PRKG1: variants seen among roughly 807,000 people sequenced by gnomAD.
PRKG1 encodes the protein cGMP-dependent protein kinase 1.
PRKG1 carries 35 observed loss-of-function variants against 88.1 expected under a neutral mutation model. The observed-to-expected ratio is 0.40, with a 90% confidence interval of 0.30 to 0.53. The LOEUF (loss-of-function observed/expected upper bound fraction) is 0.53. Ranked by LOEUF, PRKG1 falls within the 20% of genes least tolerant of loss-of-function variation. PRKG1 has a pLI of 0.59. For synonymous variants in PRKG1, 303 were observed against 292.5 expected, an observed-to-expected ratio of 1.04 and a Z score of -0.37; for missense variants, 540 against 839.8, an observed-to-expected ratio of 0.64 and a Z score of 4.41.
At chr10:51,227,023 G>A (rs551528960) in intron 2 of PRKG1, among the ~76,000 whole-genome samples, 32 of 150,928 alleles carry the variant, frequency 2.1e-4, no homozygotes, top group Admixed American at 1.9e-3. Context: ...TGAGGTGGAG[G>A]ATAAGTAGAT....
chr10:51,331,878 G>T (rs953296908), intron 2 of PRKG1, among the ~76,000 whole-genome samples: 11 of 152,130 alleles, frequency 7.2e-5, no homozygotes, highest in African/African-American at 2.7e-4. Flanking sequence ...GGCTTAATGG[G>T]TGTTTTTGAA....
At chr10:51,404,658 A>G (rs1001685139) in intron 2 of PRKG1, among the ~76,000 whole-genome samples, 4 of 152,194 alleles carry the variant, frequency 2.6e-5, no homozygotes, top group South Asian at 2.1e-4. Context: ...TCCCTGAGTG[A>G]ATTCTGTCTG....
At chr10:52,037,687 G>T (rs1389145091) in intron 5 of PRKG1, among the ~76,000 whole-genome samples, 3 of 152,154 alleles carry the variant, frequency 2.0e-5, no homozygotes, top group East Asian at 3.9e-4. Flanking sequence ...TGGGCAGGAG[G>T]GGGAGGGCTA....
At chr10:52,263,681 T>A (rs545366819) in intron 10 of PRKG1, among the ~76,000 whole-genome samples, 1 of 151,194 alleles carries the variant, frequency 6.6e-6, no homozygotes, top group African/African-American at 2.4e-5. Context: ...GCTCAAGCAA[T>A]CTCCCACCTC....
In PRKG1 at chr10:51,164,773, T is replaced by C. The variant is rs1011860029; in HGVS notation, c.478+11443T>C. On this transcript the variant is annotated intron_variant, in intron 2 of 17. Coordinates refer to ENST00000373980, the MANE Select transcript of PRKG1 (RefSeq NM_006258.4). Reference sequence around the variant, plus strand: ...AATGCAGAAGCCTCAGGAGCTGACGTGATCAACTGGAAGAAAGGGTATCAG... The same window carrying C: ...AATGCAGAAGCCTCAGGAGCTGACGCGATCAACTGGAAGAAAGGGTATCAG... Among the ~76,000 whole-genome samples the C allele has an allele frequency of 1.2e-3, 183 of 152,094 alleles. 1 individual carries two copies. The highest frequency in any genetic ancestry group is 4.1e-3 in the African/African-American group (172 of 41,460).
chr10:51,624,612 ACAT>A (rs1183211112), intron 3 of PRKG1, among the ~76,000 whole-genome samples: 2 of 152,200 alleles, frequency 1.3e-5, no homozygotes, highest in Admixed American at 6.5e-5. Flanking sequence ...GAGCTTCAAC[ACAT>A]CAGTGTTTCT....
At chr10:52,249,846 A>G (rs1841128930) in intron 9 of PRKG1, among the ~76,000 whole-genome samples, 1 of 152,138 alleles carries the variant, frequency 6.6e-6, no homozygotes, top group Non-Finnish European at 1.5e-5. Flanking sequence ...ACAAAAAGCA[A>G]AAAACAAAAA....
At position 51,610,688 on chromosome 10, in the gene PRKG1, CTA is replaced by C. The variant is rs530206575; in HGVS notation, c.592+142854_592+142855del. Among the ~76,000 whole-genome samples the C allele has an allele frequency of 5.8e-3, 889 of 152,212 alleles. 9 individuals carry two copies. The highest frequency in any genetic ancestry group is 0.02 in the African/African-American group (833 of 41,538). On this transcript the variant is annotated intron_variant, in intron 3 of 17. Transcript: ENST00000373980. ...TGTGGTACATAAACACTGTGGAACGCTATGCATAAAAGGACACTATGCCATAA... is the reference window on the plus strand; with the variant it reads ...TGTGGTACATAAACACTGTGGAACGCTGCATAAAAGGACACTATGCCATAA...
At chr10:51,095,239 G>A (rs554097763) in intron 1 of PRKG1, among the ~76,000 whole-genome samples, 4 of 152,130 alleles carry the variant, frequency 2.6e-5, no homozygotes, top group East Asian at 1.9e-4. Context: ...TTTTAGTTTC[G>A]GGATGCTTCT....
At chr10:51,102,415 A>G (rs1844708176) in intron 1 of PRKG1, among the ~76,000 whole-genome samples, 1 of 152,134 alleles carries the variant, frequency 6.6e-6, no homozygotes, top group African/African-American at 2.4e-5. Flanking sequence ...CTGTAAGTTT[A>G]AAATAAAGGG....
intron 3 of PRKG1, among the ~76,000 whole-genome samples, chr10:51,800,685 C>G (rs1839148740): frequency 6.6e-6 from 1 of 152,064 alleles, no homozygotes; most frequent in South Asian, 2.1e-4. Context: ...TCTCATAGTT[C>G]TGGAGGCTAG....
intron 8 of PRKG1, among the ~76,000 whole-genome samples, chr10:52,149,197 T>C (rs1339919804): frequency 6.6e-6 from 1 of 151,888 alleles, no homozygotes; most frequent in Non-Finnish European, 1.5e-5. Context: ...GTCACTGCAC[T>C]TGAAGTCCAG....
At chr10:51,854,503 C>T (rs1421762832) in intron 4 of PRKG1, among the ~76,000 whole-genome samples, 2 of 151,922 alleles carry the variant, frequency 1.3e-5, no homozygotes, top group African/African-American at 4.8e-5. Context: ...GGAATGGTAA[C>T]ATAAATTATG....
At chr10:51,199,085 T>C (rs1837846925) in intron 2 of PRKG1, among the ~76,000 whole-genome samples, 1 of 152,200 alleles carries the variant, frequency 6.6e-6, no homozygotes, top group African/African-American at 2.4e-5. Context: ...TCATTCCTTT[T>C]TCTGGGGTAA....
chr10:51,052,997 A>G (rs1283071803), intron 1 of PRKG1, among the ~76,000 whole-genome samples: 2 of 152,204 alleles, frequency 1.3e-5, no homozygotes, highest in South Asian at 2.1e-4. Flanking sequence ...TGGGAGGTCA[A>G]AGTGGGTTGA....
intron 5 of PRKG1, among the ~76,000 whole-genome samples, chr10:51,994,657 G>A (rs1440421645): frequency 6.6e-6 from 1 of 152,130 alleles, no homozygotes; most frequent in East Asian, 1.9e-4. Flanking sequence ...TTTGATGCTT[G>A]CAATATTGTT....
chr10:51,618,622 G>T (rs986342907), intron 3 of PRKG1, among the ~76,000 whole-genome samples: 3 of 152,138 alleles, frequency 2.0e-5, no homozygotes, highest in Non-Finnish European at 4.4e-5. Flanking sequence ...AGAAACTGAA[G>T]CATAAGAAAG....
Position 51,793,054 on chromosome 10 carries a change from G to A in PRKG1, c.593-11531G>A, listed in dbSNP as rs546221625. ...TATTAAGTGAAAAAAAAAGGTGCTAGTGACTATCTCCAAACAAATGGAGAT... is the reference window on the plus strand; with the variant it reads ...TATTAAGTGAAAAAAAAAGGTGCTAATGACTATCTCCAAACAAATGGAGAT... On this transcript the variant is annotated intron_variant, in intron 3 of 17. Coordinates refer to ENST00000373980, the MANE Select transcript of PRKG1 (RefSeq NM_006258.4). Among the ~76,000 whole-genome samples the A allele has an allele frequency of 4.4e-4, 64 of 145,850 alleles. No individual in the cohort carries two copies. The South Asian group carries it at 0.014, about 31-fold the overall frequency.
At chr10:51,797,363 G>T (rs1309274435) in intron 3 of PRKG1, among the ~76,000 whole-genome samples, 1 of 144,474 alleles carries the variant, frequency 6.9e-6, no homozygotes, top group African/African-American at 2.5e-5. Flanking sequence ...ATATATAAGA[G>T]AATATATAAT....
Sources: gnomAD v4.1 joint callset for allele counts (sites outside exome capture counted in the v4.1 genomes callset) on GRCh38, gnomAD v4.1.1 for gene constraint, MANE v1.5 for transcripts, NCBI Gene and HGNC (gene_info 2026-07-23, HGNC 2026-07-21) for gene names.